The following HECW1 variants were observed in gnomAD, a reference collection of about 807,000 sequenced individuals.
The protein encoded by HECW1 is HECT, C2 and WW domain containing E3 ubiquitin protein ligase 1, also known as E3 ubiquitin-protein ligase HECW1.
HECW1 carries 61 observed loss-of-function variants against 182.3 expected under a neutral mutation model. The observed-to-expected ratio is 0.33, with a 90% CI of 0.27 to 0.41. The LOEUF is 0.41. Among genes scored for constraint, HECW1 ranks in the 10% least tolerant of loss-of-function variants. HECW1 has a pLI of 1.00. For missense variants in HECW1, 1,739 were observed against 2,108.9 expected (o/e 0.82, Z 3.44); for synonymous variants, 859 against 832.6 (o/e 1.03, Z -0.55).
chr7:43,401,883 G>A (rs2152841258), intron 7 of HECW1, among the ~76,000 whole-genome samples: 1 of 151,838 alleles, frequency 6.6e-6, no homozygotes, highest in Non-Finnish European at 1.5e-5. Flanking sequence ...ACCCATATAA[G>A]CCCCATATCC....
At chr7:43,473,295 T>C (rs1360577464) in intron 16 of HECW1, among the ~76,000 whole-genome samples, 1 of 152,152 alleles carries the variant, frequency 6.6e-6, no homozygotes, top group African/African-American at 2.4e-5. Flanking sequence ...ATGAGCCAAA[T>C]AAACCTTTTT....
intron 14 of HECW1, 44 bp from the exon 15 acceptor site, chr7:43,466,403 C>T (rs774025752): frequency 6.2e-7 from 1 of 1,602,582 alleles, no homozygotes; most frequent in South Asian, 1.1e-5. Context: ...GTTGAAATGC[C>T]TTTTTCCCAA....
rs2152897040 is a variant in HECW1, at chr7:43,466,482, T to C, written c.2827T>C (p.Ser943Pro). 1 of 1,613,810 alleles carries C rather than the reference T, an allele frequency of 6.2e-7. No homozygotes were observed. The highest frequency in any genetic ancestry group is 2.2e-5 in the East Asian group (1 of 44,864). ...AGAAGGGTCACTTTCTCCAGTGAAC[T>C]CACAAAAAATCACCTTGCTGCTGCA... is the stretch of plus-strand genomic sequence containing the variant. ...RREGSLSPVNSQKITLLLQSP... is the reference protein window; with the variant it reads ...RREGSLSPVNPQKITLLLQSP... The change falls in exon 15 of 30, where the codon TCA becomes CCA. Residue 943 changes from serine (S) to proline (P), a missense_variant. By Grantham distance (74) the Ser-to-Pro change is moderately conservative. This residue lies in a region of HECW1 where 971 missense variants were observed against 1,029.1 expected (regional missense o/e 0.94). Transcript: ENST00000395891.
intron 8 of HECW1, among the ~76,000 whole-genome samples, chr7:43,431,807 C>T (rs768782134): frequency 6.6e-6 from 1 of 152,230 alleles, no homozygotes; most frequent in South Asian, 2.1e-4. Context: ...ACTCTGTGAA[C>T]TTCAGCCCCT....
At chr7:43,165,835 A>G (rs779491837) in intron 2 of HECW1, among the ~76,000 whole-genome samples, 34 of 152,234 alleles carry the variant, frequency 2.2e-4, no homozygotes, top group Admixed American at 8.5e-4. Flanking sequence ...CAGTCATGCC[A>G]GAGATATAAA....
chr7:43,256,843 C>G (rs1349293840), intron 3 of HECW1, among the ~76,000 whole-genome samples: 1 of 152,030 alleles, frequency 6.6e-6, no homozygotes, highest in Non-Finnish European at 1.5e-5. Context: ...CAACCTCCCT[C>G]ACAAAAAAGA....
chr7:43,560,080 C>G (rs961390520), intron 29 of HECW1, among the ~76,000 whole-genome samples: 1 of 152,144 alleles, frequency 6.6e-6, no homozygotes, highest in Admixed American at 6.5e-5. Context: ...GAAGATGATG[C>G]CTGCTCCTAT....
At chr7:43,373,986 G>A (rs529868410) in intron 6 of HECW1, among the ~76,000 whole-genome samples, 51 of 152,246 alleles carry the variant, frequency 3.3e-4, no homozygotes, top group Non-Finnish European at 6.3e-4. Flanking sequence ...CCTTTTTAAG[G>A]CTGAATAGTA....
chr7:43,377,813 G>T (rs907287923), intron 6 of HECW1: 11 of 201,168 alleles, frequency 5.5e-5, no homozygotes, highest in Non-Finnish European at 6.1e-5. Context: ...AGGGAAGTCT[G>T]ATCCTGGGGA....
intron 2 of HECW1, among the ~76,000 whole-genome samples, chr7:43,143,478 C>A (rs1788385175): frequency 1.3e-5 from 2 of 151,756 alleles, no homozygotes; most frequent in African/African-American, 4.8e-5. Context: ...TAGAGACAGG[C>A]TCTCACCATG....
chr7:43,242,435 A>T (rs1798974691), intron 2 of HECW1, among the ~76,000 whole-genome samples: 1 of 152,172 alleles, frequency 6.6e-6, no homozygotes, highest in African/African-American at 2.4e-5. Context: ...GGAGAAAGAA[A>T]GCTGTCCAAG....
Position 43,471,312 on chromosome 7 carries a change from A to G in HECW1, c.3099+2207A>G, listed in dbSNP as rs111813199. Among the ~76,000 whole-genome samples, 394 of 152,286 alleles carry G rather than the reference A, an allele frequency of 2.6e-3. 4 individuals are homozygous for G. Among genetic ancestry groups the G allele is most frequent in the African/African-American group, 8.9e-3 (371 of 41,542 alleles). ...CAGGAGGCTGAGAGTTAGGAATACAACTCACTAAACAGTGGGGTGGCCATA... is the reference window on the plus strand; with the variant it reads ...CAGGAGGCTGAGAGTTAGGAATACAGCTCACTAAACAGTGGGGTGGCCATA... On this transcript the variant is annotated intron_variant, in intron 16 of 29. Coordinates refer to ENST00000395891, the MANE Select transcript of HECW1 (RefSeq NM_015052.5).
chr7:43,406,410 G>T (rs972209994), intron 7 of HECW1, among the ~76,000 whole-genome samples: 2 of 152,176 alleles, frequency 1.3e-5, no homozygotes, highest in Admixed American at 1.3e-4. Flanking sequence ...TTATTAAGGG[G>T]ATAACCTTGG....
chr7:43,375,948 A>G (rs145700187), intron 6 of HECW1, among the ~76,000 whole-genome samples: 1 of 150,670 alleles, frequency 6.6e-6, no homozygotes, highest in East Asian at 1.9e-4. Context: ...GCCATGGTAA[A>G]GATAACATTT....
At chr7:43,230,113 C>T (rs556768000) in intron 2 of HECW1, among the ~76,000 whole-genome samples, 5 of 152,220 alleles carry the variant, frequency 3.3e-5, no homozygotes, top group Non-Finnish European at 7.3e-5. Context: ...CATCAGTGGG[C>T]TGGGCACAGT....
intron 6 of HECW1, among the ~76,000 whole-genome samples, chr7:43,369,858 G>A (rs1292675760): frequency 6.6e-6 from 1 of 152,194 alleles, no homozygotes; most frequent in Non-Finnish European, 1.5e-5. Context: ...CGAAATGGAT[G>A]AGTTCACAGG....
intron 2 of HECW1, among the ~76,000 whole-genome samples, chr7:43,242,471 A>C (rs1798979123): frequency 1.3e-5 from 2 of 152,236 alleles, no homozygotes; most frequent in Non-Finnish European, 2.9e-5. Flanking sequence ...TCTAAGCGGC[A>C]GAGGAACCAT....
At chr7:43,389,114 C>T (rs577303560) in intron 6 of HECW1, among the ~76,000 whole-genome samples, 23 of 152,138 alleles carry the variant, frequency 1.5e-4, no homozygotes, top group Non-Finnish European at 2.5e-4. Flanking sequence ...CTAATTCTCA[C>T]GCAAGTCAGG....
intron 2 of HECW1, among the ~76,000 whole-genome samples, chr7:43,179,342 C>T (rs1048784198): frequency 6.6e-6 from 1 of 152,120 alleles, no homozygotes; most frequent in African/African-American, 2.4e-5. Flanking sequence ...CCCCTTACTC[C>T]CAAGTCTGAG....
Sources: allele counts gnomAD v4.1 joint callset (sites outside exome capture counted in the v4.1 genomes callset), GRCh38; gene constraint gnomAD v4.1.1; regional missense constraint gnomAD v4.1.1; transcripts MANE v1.5; gene names NCBI Gene and HGNC (gene_info 2026-07-23, HGNC 2026-07-21).